The following HDX variants were observed in gnomAD, a reference collection of about 807,000 sequenced individuals.
HDX encodes the protein highly divergent homeobox, also known as chromosome X open reading frame 43.
In HDX, 19 loss-of-function variants were observed where a neutral mutation model predicts 45.2. The observed-to-expected ratio is 0.42, with a 90% CI of 0.29 to 0.62. The LOEUF (loss-of-function observed/expected upper bound fraction) is 0.62. Among genes scored for constraint, HDX ranks in the 20% least tolerant of loss-of-function variants. The pLI, the probability that HDX is intolerant of heterozygous loss-of-function variation, is 0.20. For synonymous variants in HDX, 188 were observed against 172.8 expected (o/e 1.09, Z -0.69); for missense variants, 532 against 493.9 (o/e 1.08, Z -0.73).
intron 5 of HDX, among the ~76,000 whole-genome samples, chrX:84,367,749 G>T (rs983972194): frequency 8.9e-6 from 1 of 111,927 alleles, no homozygotes; most frequent in South Asian, 3.8e-4. Context: ...ACTAACGCAG[G>T]AACAGAAAAC....
rs1215257762 is a variant in HDX, at chrX:84,410,062, T to TAA, written c.1305+30468_1305+30469dup. Among the ~76,000 whole-genome samples the TAA allele has an allele frequency of 4.1e-3, 306 of 74,561 alleles. 5 individuals carry two copies. Among genetic ancestry groups the TAA allele is most frequent in the African/African-American group, 0.011 (216 of 19,106 alleles). 64.7% of individuals were successfully genotyped at this position (74,561 alleles called of 115,157 possible). A position where few individuals can be genotyped will look rare whatever the true frequency, so the allele number is the denominator to read the frequency against. On this transcript the variant is annotated intron_variant, in intron 5 of 10. Coordinates refer to ENST00000373177, the MANE Select transcript of HDX (RefSeq NM_001177479.2). ...AGCAAGACTCTGTCTCAAAAAAGATTAAAAAAAAAAAAAAAAAAAAGAATC... is the reference window on the plus strand; with the variant it reads ...AGCAAGACTCTGTCTCAAAAAAGATTAAAAAAAAAAAAAAAAAAAAAAGAATC...
Position 84,465,149 on chromosome X carries a change from A to G in HDX, c.1251+3323T>C, listed in dbSNP as rs780515566. Among the ~76,000 whole-genome samples, 7 of 112,129 alleles carry G rather than the reference A, an allele frequency of 6.2e-5. No individual in the cohort carries two copies. In the East Asian group the frequency reaches 2.0e-3, roughly 31 times the overall value. ...AACATCTCATGCCAGTTAGAATGGT[A>G]ATCATTAAAAAGTCAGGAAACAACA... On this transcript the variant is annotated intron_variant, in intron 4 of 10. Coordinates refer to ENST00000373177, the MANE Select transcript of HDX (RefSeq NM_001177479.2).
intron 6 of HDX, among the ~76,000 whole-genome samples, chrX:84,351,870 A>C (rs753241414): frequency 8.9e-6 from 1 of 112,237 alleles, no homozygotes; most frequent in Non-Finnish European, 1.9e-5. Flanking sequence ...CTCAGAAGCA[A>C]CAGTCTGAAA....
chrX:84,391,167 C>T (rs190290538), intron 5 of HDX, among the ~76,000 whole-genome samples: 61 of 108,820 alleles, frequency 5.6e-4, no homozygotes, highest in African/African-American at 1.8e-3. Context: ...GTGAGATAAA[C>T]GTTTTTAGCT....
At chrX:84,409,961 G>C (rs1431374387) in intron 5 of HDX, among the ~76,000 whole-genome samples, 1 of 107,104 alleles carries the variant, frequency 9.3e-6, no homozygotes, top group South Asian at 4.2e-4. Flanking sequence ...GCTGAGGCAG[G>C]AGAATCGCTT....
rs1288549649 is a variant in HDX at position 84,468,515 on chromosome X, G to A, written c.1208C>T (p.Ser403Leu). The change falls in exon 4 of 11, where the codon TCA (serine) becomes TTA (leucine). Residue 403 changes from serine (S) to leucine (L), a missense_variant. By Grantham distance (145) the Ser-to-Leu change is moderately radical. Transcript: ENST00000373177. The stretch of plus-strand genomic sequence containing the variant: ...TTGTGATAATCTCAATTGGTTTGAT[G>A]ATGCAAAATGAGGAGAAAAATTACT... The part of the protein sequence containing the change: ...LRSNFSPHFA[S>L]SNQLRLSQNQ... The A allele has an allele frequency of 4.3e-6, 5 of 1,168,930 alleles. No individual in the cohort carries two copies. Among genetic ancestry groups the A allele is most frequent in the Non-Finnish European group, 4.6e-6 (4 of 863,149 alleles).
chrX:84,356,203 T>G (rs1384209365), intron 6 of HDX, among the ~76,000 whole-genome samples: 1 of 111,740 alleles, frequency 8.9e-6, no homozygotes, highest in Non-Finnish European at 1.9e-5. Flanking sequence ...TAAAAACATA[T>G]AAATAGTTTT....
At chrX:84,380,649 A>T (rs1177400183) in intron 5 of HDX, among the ~76,000 whole-genome samples, 1 of 111,719 alleles carries the variant, frequency 9.0e-6, no homozygotes, top group East Asian at 2.8e-4. Context: ...ATTAATGCTA[A>T]AAAAGCACTT....
At chrX:84,409,779 G>A (rs1380458410) in intron 5 of HDX, among the ~76,000 whole-genome samples, 3 of 104,296 alleles carry the variant, frequency 2.9e-5, no homozygotes, top group Non-Finnish European at 5.9e-5. Context: ...GCTAAATGAC[G>A]AGTTAATGGG....
chrX:84,413,228 T>G (rs1569326338), intron 5 of HDX, among the ~76,000 whole-genome samples: 1 of 112,296 alleles, frequency 8.9e-6, no homozygotes, highest in East Asian at 2.8e-4. Context: ...CTCTGGCTTT[T>G]TGAGTTGCCA....
rs1314041982 is a variant in HDX at position 84,444,412 on chromosome X, A to T, written c.1252-3827T>A. ...AAATTAAAGAAGTACAAAAACTATTATAATAGTTTGGAAGAGAAGTAATTC... is the reference window on the plus strand; with the variant it reads ...AAATTAAAGAAGTACAAAAACTATTTTAATAGTTTGGAAGAGAAGTAATTC... On this transcript the variant is annotated intron_variant, in intron 4 of 10. Coordinates refer to ENST00000373177, the MANE Select transcript of HDX (RefSeq NM_001177479.2). Among the ~76,000 whole-genome samples the T allele has an allele frequency of 8.1e-5, 9 of 111,283 alleles. No individual in the cohort carries two copies. The Admixed American group carries it at 8.6e-4, about 11-fold the overall frequency.
chrX:84,362,306 G>T (rs765399846), intron 5 of HDX, among the ~76,000 whole-genome samples: 153 of 111,168 alleles, frequency 1.4e-3, no homozygotes, highest in African/African-American at 4.9e-3. Context: ...TAGGAAGTAA[G>T]TTAGAAACAT....
chrX:84,350,263 T>C (rs1237130823), intron 6 of HDX, among the ~76,000 whole-genome samples: 2 of 111,298 alleles, frequency 1.8e-5, no homozygotes, highest in African/African-American at 6.5e-5. Context: ...ATTTACTCTT[T>C]TTGTGTATTC....
At position 84,320,331 on chromosome X, in the gene HDX, T is replaced by A. The variant is rs1315774461; in HGVS notation, c.*1558A>T. ...TAACAAAGGGACCATATCAGTAGTA[T>A]GGCAGCAATATAAACAAATAAGTGA... On this transcript the variant is annotated 3_prime_UTR_variant, in exon 11 of 11. Transcript: ENST00000373177. The A allele has an allele frequency of 9.0e-6, 1 of 110,860 alleles. No individual in the cohort carries two copies. Among genetic ancestry groups the A allele is most frequent in the Non-Finnish European group, 1.9e-5 (1 of 52,498 alleles). The allele number at this position is 110,860 out of a possible 1,213,427, so 9.1% of individuals were successfully genotyped here.
At chrX:84,394,370 C>T (rs940664241) in intron 5 of HDX, among the ~76,000 whole-genome samples, 10 of 111,839 alleles carry the variant, frequency 8.9e-5, no homozygotes, top group Admixed American at 7.6e-4. Flanking sequence ...AGACTTGATA[C>T]GACTTTGACT....
chrX:84,479,213 A>T (rs1176661502), intron 2 of HDX, among the ~76,000 whole-genome samples: 2 of 111,464 alleles, frequency 1.8e-5, no homozygotes, highest in Non-Finnish European at 3.8e-5. Flanking sequence ...AATTTCCCTT[A>T]TGCTGCCTCA....
chrX:84,494,239 A>G (rs2040954214), intron 1 of HDX, among the ~76,000 whole-genome samples: 1 of 111,689 alleles, frequency 9.0e-6, no homozygotes, highest in Admixed American at 9.5e-5. Context: ...ACCTTGATTC[A>G]TTCATATTCG....
At chrX:84,367,561 C>T (rs747902619) in intron 5 of HDX, among the ~76,000 whole-genome samples, 6 of 112,311 alleles carry the variant, frequency 5.3e-5, no homozygotes, top group Non-Finnish European at 1.1e-4. Flanking sequence ...CTTGTGTTTA[C>T]TGCAGCACTG....
chrX:84,427,032 G>T (rs994495499), intron 5 of HDX, among the ~76,000 whole-genome samples: 12 of 110,523 alleles, frequency 1.1e-4, no homozygotes, highest in African/African-American at 3.9e-4. Context: ...ACTGTATTTT[G>T]CCCCTTATAA....
Sources: allele counts gnomAD v4.1 joint callset (sites outside exome capture counted in the v4.1 genomes callset), GRCh38; gene constraint gnomAD v4.1.1; transcripts MANE v1.5; gene names NCBI Gene and HGNC (gene_info 2026-07-23, HGNC 2026-07-21).